Variants in LINGO2 observed in about 807,000 individuals in gnomAD.
LINGO2 encodes leucine rich repeat and Ig domain containing 2.
In LINGO2, 14 loss-of-function variants were observed where a neutral mutation model predicts 30.6. That is an observed-to-expected ratio of 0.46 (90% confidence interval 0.30 to 0.72). The LOEUF (loss-of-function observed/expected upper bound fraction) is 0.72. LINGO2 is among the 30% of genes least tolerant of loss of function. The pLI, the probability that LINGO2 is intolerant of heterozygous loss-of-function variation, is 0.07. For synonymous variants in LINGO2, 317 were observed against 288.5 expected (o/e 1.10, Z -1.00); for missense variants, 729 against 751.7 (o/e 0.97, Z 0.35).
At chr9:28,501,540 A>G (rs1416044574) in intron 1 of LINGO2, among the ~76,000 whole-genome samples, 2 of 152,178 alleles carry the variant, frequency 1.3e-5, no homozygotes, top group African/African-American at 4.8e-5. Context: ...GTAATTCTAA[A>G]AATATCAGTG....
intron 3 of LINGO2, among the ~76,000 whole-genome samples, chr9:28,320,445 T>C (rs1824997509): frequency 6.6e-6 from 1 of 152,160 alleles, no homozygotes; most frequent in African/African-American, 2.4e-5. Context: ...ACATAATTGG[T>C]GACAATTTCA....
At chr9:28,165,776 G>A (rs1828411155) in intron 4 of LINGO2, among the ~76,000 whole-genome samples, 1 of 152,134 alleles carries the variant, frequency 6.6e-6, no homozygotes, top group African/African-American at 2.4e-5. Flanking sequence ...CCCTACTAAA[G>A]GAATTTCATA....
intron 4 of LINGO2, among the ~76,000 whole-genome samples, chr9:28,157,205 C>T (rs986827930): frequency 5.3e-5 from 8 of 152,220 alleles, no homozygotes; most frequent in Non-Finnish European, 7.3e-5. Flanking sequence ...CATTTCCATA[C>T]ATCTGAAAAC....
the LINGO2 span, chr9:28,863,789 A>G: frequency 2.7e-6 from 1 of 369,750 alleles, no homozygotes. Flanking sequence ...ATTTCCATCT[A>G]GTTCACAATC....
intron 1 of LINGO2, among the ~76,000 whole-genome samples, chr9:28,500,452 C>T (rs1819839332): frequency 6.6e-6 from 1 of 151,950 alleles, no homozygotes; most frequent in African/African-American, 2.4e-5. Context: ...GCTAGAAAAA[C>T]AATAATTAAA....
the LINGO2 span, among the ~76,000 whole-genome samples, chr9:28,716,107 A>G: frequency 2.0e-5 from 3 of 151,958 alleles, no homozygotes; most frequent in Non-Finnish European, 4.4e-5. Flanking sequence ...TCAAATGGAT[A>G]TACCATTCTC....
chr9:28,121,364 C>T (rs1827092652), intron 4 of LINGO2, among the ~76,000 whole-genome samples: 1 of 152,054 alleles, frequency 6.6e-6, no homozygotes, highest in South Asian at 2.1e-4. Flanking sequence ...TAGGAATAAT[C>T]CATCTATGTT....
chr9:28,602,022 T>C (rs1266617368), intron 1 of LINGO2, among the ~76,000 whole-genome samples: 1 of 152,018 alleles, frequency 6.6e-6, no homozygotes, highest in Non-Finnish European at 1.5e-5. Context: ...AAAGTACGGA[T>C]TTGACTAATT....
chr9:29,090,891 C>T, the LINGO2 span, among the ~76,000 whole-genome samples: 1 of 151,740 alleles, frequency 6.6e-6, no homozygotes, highest in Non-Finnish European at 1.5e-5. Context: ...ACTTACTATC[C>T]CTCTGATGCT....
intron 2 of LINGO2, among the ~76,000 whole-genome samples, chr9:28,457,257 A>T (rs978021156): frequency 6.6e-5 from 10 of 152,216 alleles, no homozygotes; most frequent in African/African-American, 2.4e-4. Context: ...CAAGGGACCA[A>T]CTATATAGCT....
the LINGO2 span, among the ~76,000 whole-genome samples, chr9:28,737,582 T>G: frequency 6.6e-6 from 1 of 152,170 alleles, no homozygotes; most frequent in African/African-American, 2.4e-5. Context: ...GAGCAAGTAT[T>G]CTACTGAGGC....
At chr9:29,134,194 C>G in the LINGO2 span, among the ~76,000 whole-genome samples, 1 of 152,008 alleles carries the variant, frequency 6.6e-6, no homozygotes, top group East Asian at 1.9e-4. Context: ...TACATAAAAT[C>G]CTTTGTGTTC....
At chr9:28,818,990 T>G in the LINGO2 span, among the ~76,000 whole-genome samples, 2 of 152,224 alleles carry the variant, frequency 1.3e-5, no homozygotes, top group African/African-American at 2.4e-5. Flanking sequence ...GCTAAGCACA[T>G]AAATACATAG....
chr9:29,098,945 G>T, the LINGO2 span, among the ~76,000 whole-genome samples: 2 of 151,996 alleles, frequency 1.3e-5, no homozygotes, highest in African/African-American at 2.4e-5. Flanking sequence ...CAAAAAGAAC[G>T]AAACTGGATG....
the LINGO2 span, among the ~76,000 whole-genome samples, chr9:28,821,693 C>T: frequency 9.8e-5 from 15 of 152,286 alleles, no homozygotes; most frequent in Admixed American, 6.5e-4. Flanking sequence ...CAGCCCATAC[C>T]ACAGAGTAAA....
the LINGO2 span, among the ~76,000 whole-genome samples, chr9:29,041,829 C>T: frequency 8.6e-5 from 13 of 151,932 alleles, no homozygotes; most frequent in Non-Finnish European, 1.8e-4. Context: ...AATGTTTTCT[C>T]TGCCAAAGCT....
intron 2 of LINGO2, among the ~76,000 whole-genome samples, chr9:28,377,215 G>T (rs1821163824): frequency 6.6e-6 from 1 of 151,868 alleles, no homozygotes; most frequent in Non-Finnish European, 1.5e-5. Flanking sequence ...CACCTCTTCT[G>T]CCTCTGCCAT....
chr9:28,123,549 A>G (rs1827157087), intron 4 of LINGO2, among the ~76,000 whole-genome samples: 1 of 152,168 alleles, frequency 6.6e-6, no homozygotes, highest in South Asian at 2.1e-4. Flanking sequence ...GGCACAGAAT[A>G]TTGCTTCTGG....
chr9:28,010,434 T>TGA, intron 5 of LINGO2, among the ~76,000 whole-genome samples: 1 of 152,158 alleles, frequency 6.6e-6, no homozygotes, highest in South Asian at 2.1e-4. Flanking sequence ...ACCACTTGAT[T>TGA]GTTTTTCAAG....
Sources: gnomAD v4.1 joint callset for allele counts (sites outside exome capture counted in the v4.1 genomes callset) on GRCh38, gnomAD v4.1.1 for gene constraint, MANE v1.5 for transcripts, NCBI Gene and HGNC (gene_info 2026-07-23, HGNC 2026-07-21) for gene names.